The following MIPOL1 variants were observed in gnomAD, a reference collection of about 807,000 sequenced individuals.
MIPOL1 encodes mirror-image polydactyly gene 1 protein.
Under a neutral mutation model 60.9 loss-of-function variants are expected in MIPOL1, and 57 were observed. The observed-to-expected ratio is 0.94, with a 90% CI of 0.76 to 1.17. MIPOL1 has a LOEUF of 1.17. MIPOL1 is among the 50% of genes most tolerant of loss of function. The pLI is 0.00. For missense variants in MIPOL1, 551 were observed against 511.6 expected (o/e 1.08, Z -0.74); for synonymous variants, 179 against 168.8 (o/e 1.06, Z -0.47).
chr14:37,293,274 A>G (rs914351793), intron 7 of MIPOL1, among the ~76,000 whole-genome samples: 17 of 152,148 alleles, frequency 1.1e-4, no homozygotes, highest in Non-Finnish European at 2.2e-4. Flanking sequence ...TAATCTAGCC[A>G]AAATAATCAT....
intron 11 of MIPOL1, among the ~76,000 whole-genome samples, chr14:37,466,288 A>G (rs1196603365): frequency 6.6e-6 from 1 of 152,188 alleles, no homozygotes; most frequent in Non-Finnish European, 1.5e-5. Flanking sequence ...TAAGTGACAA[A>G]GTACTTGATT....
At chr14:37,285,179 T>G (rs2084449067) in intron 6 of MIPOL1, 139 bp from the exon 7 acceptor site, 1 of 829,206 alleles carries the variant, frequency 1.2e-6, no homozygotes, top group Non-Finnish European at 1.8e-6. Flanking sequence ...TAATATTTTA[T>G]GAATTGATTG....
At chr14:37,373,191 C>T (rs142914226) in intron 10 of MIPOL1, among the ~76,000 whole-genome samples, 9 of 152,048 alleles carry the variant, frequency 5.9e-5, no homozygotes, top group African/African-American at 1.7e-4. Flanking sequence ...TTAGTAGAGA[C>T]GGGGTTTTGT....
At chr14:37,518,482 A>G (rs1048904937) in intron 12 of MIPOL1, among the ~76,000 whole-genome samples, 7 of 152,090 alleles carry the variant, frequency 4.6e-5, no homozygotes, top group African/African-American at 1.4e-4. Flanking sequence ...TAACAGGCAC[A>G]CATCAACACA....
intron 12 of MIPOL1, among the ~76,000 whole-genome samples, chr14:37,509,790 T>C (rs1448448272): frequency 6.6e-6 from 1 of 150,714 alleles, no homozygotes; most frequent in Non-Finnish European, 1.5e-5. Context: ...TACATGTATG[T>C]ATATCTATCT....
chr14:37,372,364 A>G (rs2092663284), intron 10 of MIPOL1, among the ~76,000 whole-genome samples: 1 of 152,122 alleles, frequency 6.6e-6, no homozygotes, highest in South Asian at 2.1e-4. Flanking sequence ...ATAACCAGAG[A>G]TCTTTTTCTA....
chr14:37,268,684 T>C lies in MIPOL1; in HGVS notation c.278T>C (p.Met93Thr). ...YNVMEHRHND[M>T]HYECMTPCQV... is the part of the protein sequence containing the mutation. ...GTTATGGAACATAGACATAATGATA[T>C]GCATTATGAATGTATGACTCCTTGT... The change falls in exon 5 of 13, where the codon ATG becomes ACG. Residue 93 changes from methionine to threonine, a missense_variant. Met to Thr is a moderately conservative substitution (Grantham distance 81). Transcript: ENST00000684589. The C allele has an allele frequency of 6.3e-7, 1 of 1,594,592 alleles. No individual in the cohort carries two copies. Among genetic ancestry groups the C allele is most frequent in the African/African-American group, 1.3e-5 (1 of 74,252 alleles).
At chr14:37,273,542 G>A (rs2083443489) in intron 6 of MIPOL1, among the ~76,000 whole-genome samples, 1 of 150,670 alleles carries the variant, frequency 6.6e-6, no homozygotes, top group Non-Finnish European at 1.5e-5. Context: ...ATATATTTAT[G>A]TTTATTATGT....
intron 12 of MIPOL1, among the ~76,000 whole-genome samples, chr14:37,530,182 T>C (rs531759657): frequency 6.6e-6 from 1 of 152,258 alleles, no homozygotes; most frequent in East Asian, 1.9e-4. Flanking sequence ...AATGACCAAC[T>C]AGATGTGAAG....
intron 9 of MIPOL1, among the ~76,000 whole-genome samples, chr14:37,359,605 T>C (rs2092095583): frequency 1.0e-5 from 1 of 98,110 alleles, no homozygotes; most frequent in Non-Finnish European, 2.0e-5. Flanking sequence ...CAATTGTGAA[T>C]GGGAGTTCAC....
intron 9 of MIPOL1, among the ~76,000 whole-genome samples, chr14:37,342,564 A>G (rs1445668456): frequency 6.6e-6 from 1 of 151,674 alleles, no homozygotes; most frequent in Non-Finnish European, 1.5e-5. Flanking sequence ...CGCCTGGCTA[A>G]GTTTTGTATT....
In MIPOL1 at chr14:37,456,378, A is replaced by G. The variant is rs548085746; in HGVS notation, c.1031+33429A>G. On this transcript the variant is annotated intron_variant, in intron 11 of 12. Coordinates refer to ENST00000684589, the MANE Select transcript of MIPOL1 (RefSeq NM_001388067.1). Reference sequence around the variant, plus strand: ...AATTATAGCCTGGGACCCTGTTCATACTTATATTATGGGTAAGTTCTACAC... The same window carrying G: ...AATTATAGCCTGGGACCCTGTTCATGCTTATATTATGGGTAAGTTCTACAC... Among the ~76,000 whole-genome samples the G allele has an allele frequency of 1.5e-3, 221 of 152,222 alleles. 1 individual carries two copies. Among genetic ancestry groups the G allele is most frequent in the Non-Finnish European group, 2.6e-3 (176 of 67,958 alleles).
At chr14:37,347,424 A>G (rs2091019968) in intron 9 of MIPOL1, among the ~76,000 whole-genome samples, 2 of 152,208 alleles carry the variant, frequency 1.3e-5, no homozygotes, top group Admixed American at 1.3e-4. Context: ...TGAATCACTA[A>G]TGATAGATGC....
In MIPOL1 at chr14:37,329,940, T is replaced by C. The variant is rs1236631452; in HGVS notation, c.828+21421T>C. Reference sequence around the variant, plus strand: ...TTACTGAATTTTATTTTCCTGATCATTAGCTAACTACAGAGTTCAACATTA... The same window carrying C: ...TTACTGAATTTTATTTTCCTGATCACTAGCTAACTACAGAGTTCAACATTA... On this transcript the variant is annotated intron_variant, in intron 9 of 12. Coordinates refer to ENST00000684589, the MANE Select transcript of MIPOL1 (RefSeq NM_001388067.1). 2.0e-5 allele frequency among the ~76,000 whole-genome samples: 3 copies of C among 152,114 alleles called. No homozygotes were observed. In the East Asian group the frequency reaches 5.8e-4, roughly 29 times the overall value.
chr14:37,201,736 G>A (rs1333327082), intron 1 of MIPOL1, among the ~76,000 whole-genome samples: 1 of 152,054 alleles, frequency 6.6e-6, no homozygotes, highest in Non-Finnish European at 1.5e-5. Context: ...TTGGCCCCCT[G>A]CCTTTTGCTC....
chr14:37,348,754 A>G (rs988661580), intron 9 of MIPOL1, among the ~76,000 whole-genome samples: 15 of 151,844 alleles, frequency 9.9e-5, no homozygotes, highest in African/African-American at 3.1e-4. Context: ...TAACTACTCA[A>G]CAACCTCCAG....
intron 9 of MIPOL1, among the ~76,000 whole-genome samples, chr14:37,334,334 G>T (rs187117793): frequency 6.6e-6 from 1 of 151,852 alleles, no homozygotes; most frequent in African/African-American, 2.4e-5. Context: ...CGACTGTTCA[G>T]ACAATCTTAA....
chr14:37,459,805 T>A (rs913384263), intron 11 of MIPOL1, among the ~76,000 whole-genome samples: 12 of 152,164 alleles, frequency 7.9e-5, no homozygotes, highest in African/African-American at 2.2e-4. Flanking sequence ...GTGGGCGTGG[T>A]GGCTCATGCC....
chr14:37,454,763 A>G (rs1039273270), intron 11 of MIPOL1, among the ~76,000 whole-genome samples: 8 of 152,218 alleles, frequency 5.3e-5, no homozygotes, highest in Non-Finnish European at 1.0e-4. Flanking sequence ...AGTATTGTCA[A>G]AGTATTAACT....
Sources: allele counts gnomAD v4.1 joint callset (sites outside exome capture counted in the v4.1 genomes callset), GRCh38; gene constraint gnomAD v4.1.1; transcripts MANE v1.5; gene names NCBI Gene and HGNC (gene_info 2026-07-23, HGNC 2026-07-21).